Variants in ADAM12 observed in about 807,000 individuals in gnomAD.
The protein encoded by ADAM12 is disintegrin and metalloproteinase domain-containing protein 12.
Under a neutral mutation model 106.4 loss-of-function variants are expected in ADAM12, and 70 were observed. That is an observed-to-expected ratio of 0.66 (90% CI 0.54 to 0.80). The LOEUF (loss-of-function observed/expected upper bound fraction) is 0.80, where lower values mean the gene tolerates loss of function less well. Among genes scored for constraint, ADAM12 ranks in the 30% least tolerant of loss-of-function variants. The pLI, the probability that ADAM12 is intolerant of heterozygous loss-of-function variation, is 0.00. For synonymous variants in ADAM12, 420 were observed against 433.5 expected (o/e 0.97, Z 0.39); for missense variants, 1,010 against 1,171.9 (o/e 0.86, Z 2.02).
Position 126,017,093 on chromosome 10 carries a change from A to G in ADAM12, c.*186T>C. On this transcript the variant is annotated 3_prime_UTR_variant, in exon 23 of 23. Transcript: ENST00000448723. ...ATTCTGCATAAATTAATAATTTACA[A>G]GTACCTGAGCAAGTAGACAGAGCAC... 1 of 549,106 alleles carries G rather than the reference A, an allele frequency of 1.8e-6. No homozygotes were observed. The highest frequency in any genetic ancestry group is 2.9e-5 in the East Asian group (1 of 34,372). 34.0% of individuals were successfully genotyped at this position (549,106 alleles called of 1,614,324 possible). A position where few individuals can be genotyped will look rare whatever the true frequency, so the allele number is the denominator to read the frequency against.
intron 3 of ADAM12, among the ~76,000 whole-genome samples, chr10:126,190,168 G>T (rs1049707377): frequency 6.6e-6 from 1 of 151,534 alleles, no homozygotes; most frequent in African/African-American, 2.4e-5. Context: ...AGCGTGTAGC[G>T]TGCCTGCTTC....
intron 20 of ADAM12, among the ~76,000 whole-genome samples, chr10:126,037,520 CTT>C (rs914341654): frequency 1.3e-5 from 2 of 152,102 alleles, no homozygotes; most frequent in African/African-American, 4.8e-5. Flanking sequence ...TTTTCAATCA[CTT>C]ATTTTTTTTG....
At chr10:126,354,232 C>A (rs1457185270) in intron 1 of ADAM12, among the ~76,000 whole-genome samples, 1 of 152,046 alleles carries the variant, frequency 6.6e-6, no homozygotes, top group Non-Finnish European at 1.5e-5. Flanking sequence ...CACCTGGTTT[C>A]TTGGGGTTCC....
At position 126,338,149 on chromosome 10, in the gene ADAM12, C is replaced by G. The variant is rs1000419134; in HGVS notation, c.89-7640G>C. On this transcript the variant is annotated intron_variant, in intron 1 of 22. Coordinates refer to ENST00000448723, the MANE Select transcript of ADAM12 (RefSeq NM_001288973.2). Reference sequence around the variant, plus strand: ...TAAATGTCTAAATAGATTCATACCCCAAGCACGAGCTGTCTCTACTACACA... The same window carrying G: ...TAAATGTCTAAATAGATTCATACCCGAAGCACGAGCTGTCTCTACTACACA... Among the ~76,000 whole-genome samples, 22 of 152,036 alleles carry G rather than the reference C, an allele frequency of 1.4e-4. 1 individual carries two copies. The highest frequency in any genetic ancestry group is 5.3e-4 in the African/African-American group (22 of 41,372).
At chr10:126,222,312 C>G (rs866872966) in intron 3 of ADAM12, among the ~76,000 whole-genome samples, 10 of 151,984 alleles carry the variant, frequency 6.6e-5, no homozygotes, top group African/African-American at 2.4e-4. Context: ...TGAGGTCTCA[C>G]GTGAAATTGA....
intron 17 of ADAM12, among the ~76,000 whole-genome samples, chr10:126,044,292 G>A (rs1017761598): frequency 3.4e-5 from 5 of 145,954 alleles, no homozygotes; most frequent in Non-Finnish European, 7.6e-5. Flanking sequence ...AAAAAAAAAA[G>A]TTAAAAAAAA....
intron 5 of ADAM12, among the ~76,000 whole-genome samples, chr10:126,127,605 CG>C (rs1382368613): frequency 6.6e-6 from 1 of 152,318 alleles, no homozygotes; most frequent in African/African-American, 2.4e-5. Flanking sequence ...TAGACCTATA[CG>C]TTGCAGGCAC....
intron 3 of ADAM12, among the ~76,000 whole-genome samples, chr10:126,223,341 A>G (rs1386017611): frequency 6.6e-6 from 1 of 152,156 alleles, no homozygotes; most frequent in Non-Finnish European, 1.5e-5. Context: ...TGCTCCCTCA[A>G]ATCAGCTGAG....
At chr10:126,054,241 C>G (rs753023665) in intron 14 of ADAM12, among the ~76,000 whole-genome samples, 1 of 152,164 alleles carries the variant, frequency 6.6e-6, no homozygotes, top group East Asian at 1.9e-4. Context: ...GAAAGTGAAC[C>G]CTTAAAAGCT....
At chr10:126,381,159 GTTTAA>G (rs1275006688) in intron 1 of ADAM12, among the ~76,000 whole-genome samples, 2 of 152,208 alleles carry the variant, frequency 1.3e-5, no homozygotes, top group African/African-American at 4.8e-5. Flanking sequence ...TTAAAAATGA[GTTTAA>G]TTTTTGTTTC....
At chr10:126,104,841 T>C (rs1377965598) in intron 8 of ADAM12, among the ~76,000 whole-genome samples, 1 of 152,200 alleles carries the variant, frequency 6.6e-6, no homozygotes, top group African/African-American at 2.4e-5. Flanking sequence ...TAAGTTAGAA[T>C]GGTCCAGGAG....
chr10:126,328,682 T>C (rs778960943), intron 2 of ADAM12, among the ~76,000 whole-genome samples: 5 of 152,208 alleles, frequency 3.3e-5, no homozygotes, highest in Non-Finnish European at 7.3e-5. Flanking sequence ...CAAAATGCTG[T>C]TCCCAACTTA....
At chr10:126,193,292 A>G (rs1184277959) in intron 3 of ADAM12, among the ~76,000 whole-genome samples, 1 of 146,176 alleles carries the variant, frequency 6.8e-6, no homozygotes, top group African/African-American at 2.6e-5. Context: ...AAAAAAAAAA[A>G]AGACAAACCA....
At chr10:126,305,350 G>C (rs1368767932) in intron 2 of ADAM12, among the ~76,000 whole-genome samples, 1 of 151,976 alleles carries the variant, frequency 6.6e-6, no homozygotes, top group Non-Finnish European at 1.5e-5. Context: ...TTAATCAAAA[G>C]GAGCCAGACA....
intron 1 of ADAM12, among the ~76,000 whole-genome samples, chr10:126,386,567 ACT>A (rs1179979030): frequency 1.4e-4 from 22 of 152,020 alleles, no homozygotes; most frequent in Non-Finnish European, 2.6e-4. Flanking sequence ...TTAAGGAAAC[ACT>A]CTCTCTACCA....
At chr10:126,387,979 T>G (rs1166852334) in intron 1 of ADAM12, 79 bp downstream of exon 1, 117 of 1,177,586 alleles carry the variant, frequency 9.9e-5, no homozygotes, top group Non-Finnish European at 1.2e-4. Context: ...GGGGCAGCCC[T>G]GGACCTCGGC....
chr10:126,046,572 A>G (rs1365760525), intron 16 of ADAM12, among the ~76,000 whole-genome samples: 1 of 152,018 alleles, frequency 6.6e-6, no homozygotes, highest in African/African-American at 2.4e-5. Context: ...TGGGAGGCCG[A>G]GGCAGGCAGA....
intron 8 of ADAM12, 60 bp from the exon 9 acceptor site, chr10:126,101,301 T>C (rs1266390983): frequency 1.9e-6 from 3 of 1,554,210 alleles, no homozygotes; most frequent in East Asian, 4.5e-5. Flanking sequence ...AAACTCGAAA[T>C]GAAAATTAGA....
intron 11 of ADAM12, among the ~76,000 whole-genome samples, chr10:126,072,774 C>T (rs1955023283): frequency 1.3e-5 from 2 of 152,150 alleles, no homozygotes; most frequent in Admixed American, 1.3e-4. Context: ...ATGCCAGAAA[C>T]CCAGAAAGTT....
Sources: gnomAD v4.1 joint callset for allele counts (sites outside exome capture counted in the v4.1 genomes callset) on GRCh38, gnomAD v4.1.1 for gene constraint, MANE v1.5 for transcripts, NCBI Gene and HGNC (gene_info 2026-07-23, HGNC 2026-07-21) for gene names.